IL22RA2: variants seen among roughly 807,000 people sequenced by gnomAD.
The protein encoded by IL22RA2 is interleukin 22 receptor subunit alpha 2, also known as interleukin-22 receptor subunit alpha-2.
Under a neutral mutation model 30.7 loss-of-function variants are expected in IL22RA2, and 39 were observed. That is an observed-to-expected ratio of 1.27 (90% CI 0.98 to 1.66). IL22RA2 has a LOEUF of 1.66. Among genes scored for constraint, IL22RA2 ranks in the 40% most tolerant of loss-of-function variants. The pLI is 0.00. For missense variants in IL22RA2, 315 were observed against 312.7 expected (o/e 1.01, Z -0.05); for synonymous variants, 103 against 105.0 (o/e 0.98, Z 0.11).
intron 5 of IL22RA2, among the ~76,000 whole-genome samples, chr6:137,152,881 G>T (rs1169880035): frequency 6.6e-6 from 1 of 152,086 alleles, no homozygotes; most frequent in Non-Finnish European, 1.5e-5. Context: ...GGTCTGACCT[G>T]CAGAGTGTCC....
At chr6:137,155,163 T>G (rs1454377992) in intron 4 of IL22RA2, 44 bp from the exon 5 acceptor site, 1 of 1,399,068 alleles carries the variant, frequency 7.1e-7, no homozygotes, top group African/African-American at 1.5e-5. Flanking sequence ...TTTTCTCCAC[T>G]CAAGGAGTCT....
At chr6:137,172,105 T>C (rs1778746409) in intron 1 of IL22RA2, among the ~76,000 whole-genome samples, 1 of 152,226 alleles carries the variant, frequency 6.6e-6, no homozygotes, top group Non-Finnish European at 1.5e-5. Flanking sequence ...ATAATGTGGG[T>C]TTGCACTATT....
At chr6:137,147,923 A>T in intron 5 of IL22RA2, 32 bp from the exon 6 acceptor site, 2 of 1,560,470 alleles carry the variant, frequency 1.3e-6, no homozygotes, top group Non-Finnish European at 1.8e-6. Context: ...TTGACAAATC[A>T]TCAAAGGAAT....
chr6:137,154,317 A>C (rs1375254245), intron 5 of IL22RA2, among the ~76,000 whole-genome samples: 2 of 152,116 alleles, frequency 1.3e-5, no homozygotes, highest in Non-Finnish European at 2.9e-5. Context: ...CTGCTGTCTA[A>C]AAATACTTTT....
chr6:137,151,225 T>A (rs1460447647), intron 5 of IL22RA2, among the ~76,000 whole-genome samples: 1 of 152,170 alleles, frequency 6.6e-6, no homozygotes, highest in Non-Finnish European at 1.5e-5. Flanking sequence ...GATGAATGTA[T>A]AGCTCAATAG....
intron 5 of IL22RA2, among the ~76,000 whole-genome samples, chr6:137,149,133 T>G (rs1007296922): frequency 6.6e-6 from 1 of 152,168 alleles, no homozygotes; most frequent in Non-Finnish European, 1.5e-5. Context: ...AGATTTTTCT[T>G]ACTCAGGCAT....
In IL22RA2 at chr6:137,145,685, T is replaced by A; in HGVS notation, c.731A>T (p.Tyr244Phe). The A allele has an allele frequency of 6.2e-7, 1 of 1,612,736 alleles. No homozygotes were observed. The highest frequency in any genetic ancestry group is 1.1e-5 in the South Asian group (1 of 90,946). ...ACTTCTTCTGTCTAACATGGGCTGA[T>A]ATATTTCAGCCACTACACAGTAGCT... is the stretch of plus-strand genomic sequence containing the variant. ...HSSYCVVAEIYQPMLDRRSQR... is the reference protein window; with the variant it reads ...HSSYCVVAEIFQPMLDRRSQR... The change falls in exon 7 of 7, where the codon TAT becomes TTT. Residue 244 changes from tyrosine (Y) to phenylalanine (F), a missense_variant. By Grantham distance (22) the Tyr-to-Phe change is conservative. Coordinates refer to ENST00000296980, the MANE Select transcript of IL22RA2 (RefSeq NM_052962.3).
intron 3 of IL22RA2, among the ~76,000 whole-genome samples, chr6:137,158,053 A>G (rs1258652444): frequency 1.3e-5 from 2 of 152,114 alleles, no homozygotes; most frequent in African/African-American, 4.8e-5. Flanking sequence ...CGCCTGACAA[A>G]TCTATATTGA....
chr6:137,155,074 A>G lies in IL22RA2; in HGVS notation c.339T>C (p.Thr113=). The change falls in exon 5 of 7, where the codon ACT becomes ACC. Residue 113 remains threonine (T), a synonymous_variant. Coordinates refer to ENST00000296980, the MANE Select transcript of IL22RA2 (RefSeq NM_052962.3). ...QWKNKEDCWG[T]QELSCDLTSE... Reference sequence around the variant, plus strand: ...TGGTAAGGTCACAAGAGAGTTCTTGAGTACCCCAACAGTCTTCTTTATTTT... The same window carrying G: ...TGGTAAGGTCACAAGAGAGTTCTTGGGTACCCCAACAGTCTTCTTTATTTT... 1 of 1,611,912 alleles carries G rather than the reference A, an allele frequency of 6.2e-7. No homozygotes were observed. Among genetic ancestry groups the G allele is most frequent in the Non-Finnish European group, 8.5e-7 (1 of 1,178,768 alleles).
At chr6:137,173,028 G>A (rs1562276177) in intron 1 of IL22RA2, among the ~76,000 whole-genome samples, 1 of 152,054 alleles carries the variant, frequency 6.6e-6, no homozygotes, top group Non-Finnish European at 1.5e-5. Flanking sequence ...CTCTACTTTT[G>A]TATGTACTTA....
At chr6:137,153,649 A>G (rs1778339788) in intron 5 of IL22RA2, among the ~76,000 whole-genome samples, 1 of 152,210 alleles carries the variant, frequency 6.6e-6, no homozygotes, top group Non-Finnish European at 1.5e-5. Context: ...ACTAACAAAA[A>G]GAAAATGAGG....
At chr6:137,164,848 C>T (rs1778597199) in intron 1 of IL22RA2, among the ~76,000 whole-genome samples, 1 of 152,228 alleles carries the variant, frequency 6.6e-6, no homozygotes, top group Non-Finnish European at 1.5e-5. Context: ...TTCTCTACTA[C>T]TGATCTCTTA....
chr6:137,148,303 T>A (rs1778220722), intron 5 of IL22RA2, among the ~76,000 whole-genome samples: 1 of 152,178 alleles, frequency 6.6e-6, no homozygotes, highest in Non-Finnish European at 1.5e-5. Flanking sequence ...GGGCTCAAAC[T>A]CCTGTACTCA....
intron 2 of IL22RA2, among the ~76,000 whole-genome samples, chr6:137,158,821 C>T (rs1005265718): frequency 6.6e-6 from 1 of 152,076 alleles, no homozygotes; most frequent in Non-Finnish European, 1.5e-5. Context: ...AGATGAAAGA[C>T]CCACACTAAG....
At chr6:137,156,618 G>A (rs1353268677) in intron 4 of IL22RA2, 141 bp downstream of exon 4, 4 of 1,121,448 alleles carry the variant, frequency 3.6e-6, no homozygotes, top group East Asian at 2.5e-5. Context: ...TTATAAATTT[G>A]TCTTGTGCTG....
chr6:137,170,999 A>G (rs972662456), intron 1 of IL22RA2, among the ~76,000 whole-genome samples: 2 of 152,240 alleles, frequency 1.3e-5, no homozygotes, highest in African/African-American at 2.4e-5. Context: ...GTTGTTAAAA[A>G]GAGAGGCTCT....
chr6:137,158,899 T>C (rs1474580514), intron 2 of IL22RA2, among the ~76,000 whole-genome samples: 1 of 152,204 alleles, frequency 6.6e-6, no homozygotes, highest in Non-Finnish European at 1.5e-5. Flanking sequence ...AGTGACCACT[T>C]CTGGGCTCCA....
intron 1 of IL22RA2, among the ~76,000 whole-genome samples, chr6:137,166,309 C>A (rs1391738416): frequency 5.3e-5 from 8 of 152,306 alleles, no homozygotes; most frequent in Admixed American, 1.3e-4. Flanking sequence ...AACATCTATA[C>A]TGACTCAAGG....
chr6:137,145,584 C>T lies in IL22RA2; in HGVS notation c.*40G>A. 1 of 1,571,880 alleles carries T rather than the reference C, an allele frequency of 6.4e-7. No individual in the cohort carries two copies. The highest frequency in any genetic ancestry group is 1.2e-5 in the South Asian group (1 of 84,022). ...CACGAGTCATCCTGTTCTCAGGGAG[C>T]TTTAGAATTTCCACATTGCTGAATG... On this transcript the variant is annotated 3_prime_UTR_variant, in exon 7 of 7. Transcript: ENST00000296980.
Sources: allele counts gnomAD v4.1 joint callset (sites outside exome capture counted in the v4.1 genomes callset), GRCh38; gene constraint gnomAD v4.1.1; transcripts MANE v1.5; gene names NCBI Gene and HGNC (gene_info 2026-07-23, HGNC 2026-07-21).